SPPL3: variants seen among roughly 807,000 people sequenced by gnomAD.
SPPL3 encodes signal peptide peptidase like 3, also known as signal peptide peptidase-like 3.
Under a neutral mutation model 42.4 loss-of-function variants are expected in SPPL3, and 5 were observed. That is an observed-to-expected ratio of 0.12 (90% CI 0.06 to 0.25). SPPL3 has a LOEUF of 0.25. Among genes scored for constraint, SPPL3 ranks in the 10% least tolerant of loss-of-function variants. The probability of loss-of-function intolerance (pLI) is 1.00; values close to 1 mark genes in which losing one functional copy is unlikely to be tolerated. For synonymous variants in SPPL3, 195 were observed against 181.8 expected (o/e 1.07, Z -0.58); for missense variants, 235 against 489.0 (o/e 0.48, Z 4.90).
In SPPL3 at chr12:120,763,199, C is replaced by CAACA. The variant is rs1868733606; in HGVS notation, c.*1796_*1799dup. ...GATGGCTGGGAGCTCTGTTTGGTACCAACAACCAAAGTGAAGATTATGTGA... is the reference window on the plus strand; with the variant it reads ...GATGGCTGGGAGCTCTGTTTGGTACCAACAAACAACCAAAGTGAAGATTATGTGA... On this transcript the variant is annotated 3_prime_UTR_variant, in exon 11 of 11. Transcript: ENST00000353487. 6.6e-6 allele frequency: 1 copy of CAACA among 152,144 alleles called. No homozygotes were observed. The highest frequency in any genetic ancestry group is 1.5e-5 in the Non-Finnish European group (1 of 68,044). The allele number at this position is 152,144 out of a possible 1,614,324, so 9.4% of individuals were successfully genotyped here. A position where few individuals can be genotyped will look rare whatever the true frequency, so the allele number is the denominator to read the frequency against.
chr12:120,870,337 C>T (rs538133662), intron 1 of SPPL3, among the ~76,000 whole-genome samples: 5 of 151,804 alleles, frequency 3.3e-5, no homozygotes, highest in South Asian at 4.2e-4. Context: ...CCCAGCTACT[C>T]GGGAGGCTGA....
chr12:120,884,594 T>A (rs1873391725), intron 1 of SPPL3, among the ~76,000 whole-genome samples: 1 of 151,558 alleles, frequency 6.6e-6, no homozygotes, highest in Admixed American at 6.6e-5. Context: ...GGATTTTTTT[T>A]AAACCTGAAA....
intron 2 of SPPL3, among the ~76,000 whole-genome samples, chr12:120,792,567 G>T (rs1214224442): frequency 6.6e-6 from 1 of 151,914 alleles, no homozygotes; most frequent in East Asian, 1.9e-4. Context: ...GGGCGTGGTG[G>T]TGCGTGCCGG....
chr12:120,901,130 T>C (rs1362990620), intron 1 of SPPL3, among the ~76,000 whole-genome samples: 1 of 152,142 alleles, frequency 6.6e-6, no homozygotes, highest in Non-Finnish European at 1.5e-5. Flanking sequence ...ACAAGTGAAG[T>C]ACTTTAAACA....
intron 2 of SPPL3, among the ~76,000 whole-genome samples, chr12:120,793,482 C>T (rs1341833075): frequency 6.6e-6 from 1 of 152,134 alleles, no homozygotes; most frequent in Non-Finnish European, 1.5e-5. Flanking sequence ...GACACTGTCT[C>T]CTCAAAACAA....
intron 1 of SPPL3, among the ~76,000 whole-genome samples, chr12:120,833,396 G>A (rs544275945): frequency 3.5e-4 from 54 of 152,242 alleles, no homozygotes; most frequent in African/African-American, 1.2e-3. Context: ...AATATTCTAG[G>A]AAGAACGTCT....
At chr12:120,773,470 G>A (rs1332528004) in intron 6 of SPPL3, among the ~76,000 whole-genome samples, 1 of 152,224 alleles carries the variant, frequency 6.6e-6, no homozygotes, top group African/African-American at 2.4e-5. Flanking sequence ...ACGGGAGACA[G>A]GAGTCTGCGG....
At chr12:120,831,089 C>G (rs1871412454) in intron 1 of SPPL3, among the ~76,000 whole-genome samples, 1 of 152,020 alleles carries the variant, frequency 6.6e-6, no homozygotes, top group African/African-American at 2.4e-5. Context: ...CTCTCTCTCT[C>G]CTTGAGGTGA....
chr12:120,870,995 C>T (rs1004002730), intron 1 of SPPL3, among the ~76,000 whole-genome samples: 3 of 151,392 alleles, frequency 2.0e-5, no homozygotes, highest in African/African-American at 4.9e-5. Context: ...CCGGGCATGG[C>T]GCCAGGCACC....
chr12:120,771,602 C>G (rs1869126206), intron 6 of SPPL3, among the ~76,000 whole-genome samples: 1 of 152,072 alleles, frequency 6.6e-6, no homozygotes, highest in South Asian at 2.1e-4. Flanking sequence ...GTGAAGGTTC[C>G]CCGAGAGCAT....
intron 1 of SPPL3, among the ~76,000 whole-genome samples, chr12:120,900,613 AGAG>A (rs1873946720): frequency 6.9e-6 from 1 of 145,318 alleles, no homozygotes; most frequent in Non-Finnish European, 1.5e-5. Context: ...AAAAAAAAAA[AGAG>A]AGATCAATTG....
intron 1 of SPPL3, 148 bp from the exon 2 acceptor site, chr12:120,811,034 C>A (rs1197645452): frequency 1.9e-6 from 1 of 514,810 alleles, no homozygotes; most frequent in East Asian, 3.3e-5. Flanking sequence ...CAAAATAACA[C>A]AATTAAAATG....
chr12:120,881,084 G>A (rs1203925204), intron 1 of SPPL3, among the ~76,000 whole-genome samples: 1 of 151,990 alleles, frequency 6.6e-6, no homozygotes, highest in Admixed American at 6.6e-5. Flanking sequence ...TGTTGGCAAG[G>A]ATGTGGAAAA....
chr12:120,766,711 A>C (rs1868921272), intron 9 of SPPL3, among the ~76,000 whole-genome samples: 1 of 152,168 alleles, frequency 6.6e-6, no homozygotes, highest in Non-Finnish European at 1.5e-5. Context: ...GCTACTCACA[A>C]TAGCTAACAT....
chr12:120,884,057 C>T (rs891343240), intron 1 of SPPL3, among the ~76,000 whole-genome samples: 3 of 149,294 alleles, frequency 2.0e-5, no homozygotes, highest in Admixed American at 6.7e-5. Flanking sequence ...GCTGAGATCA[C>T]GCTACTGCAC....
intron 1 of SPPL3, among the ~76,000 whole-genome samples, chr12:120,873,796 C>T (rs1341746276): frequency 1.3e-5 from 2 of 151,998 alleles, no homozygotes; most frequent in Non-Finnish European, 2.9e-5. Context: ...CACTTGAAAC[C>T]GGGAGGCGGA....
At chr12:120,851,495 C>T (rs570557881) in intron 1 of SPPL3, among the ~76,000 whole-genome samples, 21 of 152,176 alleles carry the variant, frequency 1.4e-4, no homozygotes, top group Middle Eastern at 3.4e-3. Context: ...TAGCTCTGTT[C>T]AGTCGAAGCA....
Position 120,783,942 on chromosome 12 carries a change from G to GA in SPPL3, c.311-191dup, listed in dbSNP as rs553227538. Among the ~76,000 whole-genome samples the GA allele has an allele frequency of 1.1e-4, 16 of 152,210 alleles. No homozygotes were observed. The South Asian group carries it at 3.3e-3, about 32-fold the overall frequency. On this transcript the variant is annotated intron_variant, in intron 4 of 10. Coordinates refer to ENST00000353487, the MANE Select transcript of SPPL3 (RefSeq NM_139015.5). ...AAAAAGTACCTGATTTGAAGTAGGG[G>GA]AAAGCATAGGTAAGTTTCCTAAAAG... is the stretch of plus-strand genomic sequence containing the variant.
intron 2 of SPPL3, among the ~76,000 whole-genome samples, chr12:120,806,790 C>T (rs183763557): frequency 1.8e-4 from 27 of 150,800 alleles, no homozygotes; most frequent in Middle Eastern, 3.4e-3. Context: ...GAGCTTGCAG[C>T]GAGCTGAGAT....
Sources: allele counts gnomAD v4.1 joint callset (sites outside exome capture counted in the v4.1 genomes callset), GRCh38; gene constraint gnomAD v4.1.1; transcripts MANE v1.5; gene names NCBI Gene and HGNC (gene_info 2026-07-23, HGNC 2026-07-21).